SNX11: variants seen among roughly 807,000 people sequenced by gnomAD.
SNX11 encodes sorting nexin-11.
In SNX11, 19 loss-of-function variants were observed where a neutral mutation model predicts 30.7. The observed-to-expected ratio is 0.62, with a 90% confidence interval of 0.43 to 0.91. The LOEUF (loss-of-function observed/expected upper bound fraction) is 0.91, where lower values mean the gene tolerates loss of function less well. SNX11 is among the 40% of genes least tolerant of loss of function. The pLI, the probability that SNX11 is intolerant of heterozygous loss-of-function variation, is 0.00. For synonymous variants in SNX11, 112 were observed against 119.0 expected (o/e 0.94, Z 0.38); for missense variants, 302 against 326.7 (o/e 0.92, Z 0.58).
chr17:48,110,424 G>A (rs2063479566), intron 1 of SNX11, among the ~76,000 whole-genome samples: 1 of 152,162 alleles, frequency 6.6e-6, no homozygotes. Context: ...GTTTGTCTGT[G>A]GAGATACTTC....
chr17:48,112,155 AGAGATGCAAATC>A, intron 2 of SNX11, 70 bp downstream of exon 2: 1 of 1,332,454 alleles, frequency 7.5e-7, no homozygotes, highest in Non-Finnish European at 1.1e-6. Flanking sequence ...AAGAGGACAT[AGAGATGCAAATC>A]ATTAATTATT....
Position 48,121,545 on chromosome 17 carries a change from C to A in SNX11, c.*37C>A. On this transcript the variant is annotated 3_prime_UTR_variant, in exon 7 of 7. Coordinates refer to ENST00000359238, the MANE Select transcript of SNX11 (RefSeq NM_013323.3). ...TGCTCTGAGATGGTCAGAGAAGATG[C>A]GGGCCAGGAGACTTACTCAGGTGGG... 7 of 1,602,380 alleles carry A rather than the reference C, an allele frequency of 4.4e-6. No individual in the cohort carries two copies. The highest frequency in any genetic ancestry group is 6.0e-6 in the Non-Finnish European group (7 of 1,173,894).
intron 4 of SNX11, among the ~76,000 whole-genome samples, chr17:48,117,099 G>A (rs1229735247): frequency 6.6e-6 from 1 of 151,358 alleles, no homozygotes; most frequent in African/African-American, 2.4e-5. Context: ...TTGTTGCCCA[G>A]GCTGGAGTGC....
intron 4 of SNX11, among the ~76,000 whole-genome samples, chr17:48,115,694 C>T (rs551958094): frequency 1.3e-5 from 2 of 152,232 alleles, no homozygotes; most frequent in East Asian, 1.9e-4. Flanking sequence ...ACTCCTCACA[C>T]CCACCTGCCA....
At chr17:48,111,079 T>C in intron 1 of SNX11, 1 of 985,190 alleles carries the variant, frequency 1.0e-6, no homozygotes, top group Non-Finnish European at 1.2e-6. Flanking sequence ...TGTGCAGCTG[T>C]GGGGTGCTTG....
rs2063615588 is a variant in SNX11, at chr17:48,123,157, T to TAGAAAACCTAC, written c.*1653_*1663dup. 6.6e-6 allele frequency: 1 copy of TAGAAAACCTAC among 152,144 alleles called. No individual in the cohort carries two copies. Among genetic ancestry groups the TAGAAAACCTAC allele is most frequent in the African/African-American group, 2.4e-5 (1 of 41,436 alleles). The allele number at this position is 152,144 out of a possible 1,614,324, so 9.4% of individuals were successfully genotyped here. ...ATGATGCAGCAGAGCAAGGCGAGGATAGAAAACCTACAGAGGCAAATCCAA... is the reference window on the plus strand; with the variant it reads ...ATGATGCAGCAGAGCAAGGCGAGGATAGAAAACCTACAGAAAACCTACAGAGGCAAATCCAA... On this transcript the variant is annotated 3_prime_UTR_variant, in exon 7 of 7. Transcript: ENST00000359238.
At chr17:48,108,144 A>G (rs2063455549) in intron 1 of SNX11, among the ~76,000 whole-genome samples, 2 of 152,086 alleles carry the variant, frequency 1.3e-5, no homozygotes, top group Admixed American at 1.3e-4. Flanking sequence ...GCCGTAGTAA[A>G]AGACTCTGGG....
At chr17:48,119,327 C>G (rs2144530640) in intron 6 of SNX11, 141 bp downstream of exon 6, 1 of 688,892 alleles carries the variant, frequency 1.5e-6, no homozygotes, top group Non-Finnish European at 2.5e-6. Context: ...GCGTGGCTTT[C>G]TATCCAGGTG....
At chr17:48,112,528 T>C in intron 2 of SNX11, 46 bp from the exon 3 acceptor site, 1 of 1,298,732 alleles carries the variant, frequency 7.7e-7, no homozygotes, top group Non-Finnish European at 1.1e-6. Context: ...TTGTCAGAGC[T>C]GCCTTGCTGT....
At chr17:48,112,408 T>A in intron 2 of SNX11, 166 bp from the exon 3 acceptor site, 1 of 671,932 alleles carries the variant, frequency 1.5e-6, no homozygotes, top group Non-Finnish European at 2.7e-6. Flanking sequence ...CAGTAAAAAT[T>A]TGTTGAATTG....
At chr17:48,113,437 C>A in intron 4 of SNX11, 36 bp downstream of exon 4, 2 of 1,522,028 alleles carry the variant, frequency 1.3e-6, no homozygotes, top group Non-Finnish European at 1.8e-6. Flanking sequence ...GGGTCTGTGA[C>A]TGGCTTTTTG....
Position 48,112,635 on chromosome 17 carries a change from A to G in SNX11, c.104A>G (p.Tyr35Cys). ...RVQNEGSWNS[Y>C]VDYKIFLHTN... Reference sequence around the variant, plus strand: ...CAGAATGAGGGCTCCTGGAACTCTTATGTGGATTATAAGATATTCCTCCAT... The same window carrying G: ...CAGAATGAGGGCTCCTGGAACTCTTGTGTGGATTATAAGATATTCCTCCAT... The change falls in exon 3 of 7, where the codon TAT (tyrosine) becomes TGT (cysteine). Residue 35 changes from tyrosine (Y) to cysteine (C), a missense_variant. By Grantham distance (194) the Tyr-to-Cys change is radical. Transcript: ENST00000359238. 1 of 1,612,048 alleles carries G rather than the reference A, an allele frequency of 6.2e-7. No individual in the cohort carries two copies. Among genetic ancestry groups the G allele is most frequent in the Non-Finnish European group, 8.5e-7 (1 of 1,178,772 alleles).
intron 6 of SNX11, among the ~76,000 whole-genome samples, chr17:48,119,996 C>T (rs942574536): frequency 2.0e-5 from 3 of 152,102 alleles, no homozygotes; most frequent in Non-Finnish European, 4.4e-5. Context: ...GACATTTACA[C>T]AAATGGAGTC....
intron 3 of SNX11, 77 bp downstream of exon 3, chr17:48,112,737 T>TC: frequency 1.1e-6 from 1 of 884,042 alleles, no homozygotes; most frequent in Non-Finnish European, 1.7e-6. Context: ...TAACCTTTTT[T>TC]TTTTTTTTTT....
intron 1 of SNX11, among the ~76,000 whole-genome samples, chr17:48,109,414 C>T (rs2063468568): frequency 6.6e-6 from 1 of 151,528 alleles, no homozygotes; most frequent in Admixed American, 6.6e-5. Context: ...CACGCGCCAC[C>T]ATGCCCAGCT....
Position 48,121,255 on chromosome 17 carries a change from C to G in SNX11, c.560C>G (p.Ser187Trp), listed in dbSNP as rs184301854. Residue 187 changes from serine to tryptophan, a missense_variant, in exon 7 of 7, where the codon TCG (serine) becomes TGG (tryptophan). Ser to Trp is a radical substitution (Grantham distance 177, BLOSUM62 -3). Transcript: ENST00000359238. ...QPKSCCFLPRSGRRSSPSPPP... is the reference protein window; with the variant it reads ...QPKSCCFLPRWGRRSSPSPPP... ...TCCAGTTGCTGCTTTCTTCCAAGATCGGGTAGGAGGAGCTCTCCCTCACCG... is the reference window on the plus strand; with the variant it reads ...TCCAGTTGCTGCTTTCTTCCAAGATGGGGTAGGAGGAGCTCTCCCTCACCG... 3.7e-6 allele frequency: 6 copies of G among 1,614,070 alleles called. No homozygotes were observed. Among genetic ancestry groups the G allele is most frequent in the Non-Finnish European group, 5.1e-6 (6 of 1,180,002 alleles).
At position 48,118,980 on chromosome 17, in the gene SNX11, G is replaced by A; in HGVS notation, c.333G>A (p.Leu111=). ...QGLQHFLEKV[L]QSVVLLSDSQ... ...CTACCTGTGTTTTTCCCAGGGTCCT[G>A]CAGAGTGTGGTTCTCCTGTCAGACA... Residue 111 remains leucine, a synonymous_variant, in exon 6 of 7, where the codon CTG becomes CTA. Coordinates refer to ENST00000359238, the MANE Select transcript of SNX11 (RefSeq NM_013323.3). 1 of 1,614,068 alleles carries A rather than the reference G, an allele frequency of 6.2e-7. No individual in the cohort carries two copies. Among genetic ancestry groups the A allele is most frequent in the Non-Finnish European group, 8.5e-7 (1 of 1,180,010 alleles).
intron 1 of SNX11, chr17:48,110,978 G>A (rs1183758674): frequency 2.3e-5 from 11 of 470,480 alleles, no homozygotes; most frequent in Middle Eastern, 1.1e-3. Context: ...GGGTGATGTC[G>A]CTATACACGT....
chr17:48,118,654 T>C (rs377081087), intron 4 of SNX11, 50 bp from the exon 5 acceptor site: 4 of 1,292,616 alleles, frequency 3.1e-6, no homozygotes, highest in Non-Finnish European at 4.5e-6. Context: ...CCGGAATGAC[T>C]ATCTTAGATG....
Sources: gnomAD v4.1 joint callset for allele counts (sites outside exome capture counted in the v4.1 genomes callset) on GRCh38, gnomAD v4.1.1 for gene constraint, MANE v1.5 for transcripts, NCBI Gene and HGNC (gene_info 2026-07-23, HGNC 2026-07-21) for gene names.